The following MTMR3 variants were observed in gnomAD, a reference collection of about 807,000 sequenced individuals.
MTMR3 encodes the protein phosphatidylinositol-3,5-bisphosphate 3-phosphatase MTMR3.
A neutral mutation model predicts 132.4 loss-of-function variants in MTMR3; 32 were observed. The observed-to-expected ratio is 0.24, with a 90% CI of 0.18 to 0.32. MTMR3 has a LOEUF of 0.32. MTMR3 is among the 10% of genes least tolerant of loss of function. The pLI, the probability that MTMR3 is intolerant of heterozygous loss-of-function variation, is 1.00. For synonymous variants in MTMR3, 556 were observed against 550.3 expected (o/e 1.01, Z -0.14); for missense variants, 1,216 against 1,489.6 (o/e 0.82, Z 3.02).
chr22:29,883,898 G>A (rs1476352616), intron 1 of MTMR3, among the ~76,000 whole-genome samples: 8 of 152,326 alleles, frequency 5.3e-5, no homozygotes, highest in Middle Eastern at 6.8e-3. Flanking sequence ...TGACCTGGTA[G>A]TACTTAGGTG....
intron 1 of MTMR3, among the ~76,000 whole-genome samples, chr22:29,920,981 T>TTGG (rs554695706): frequency 1.2e-5 from 1 of 81,096 alleles, no homozygotes; most frequent in Non-Finnish European, 2.1e-5. Flanking sequence ...TAGGGGGTGG[T>TTGG]GGGGGTGGCG....
At chr22:30,002,673 C>CAACAA (rs553054269) in intron 8 of MTMR3, 51 of 490,474 alleles carry the variant, frequency 1.0e-4, no homozygotes, top group South Asian at 6.7e-4. Context: ...ACATTTAAGG[C>CAACAA]AACAAAACAA....
rs1251748452 is a variant in MTMR3 at position 29,930,094 on chromosome 22, G to A, written c.-137-26942G>A. ...TTTGATTTCCAGATAATTTTTTAAA[G>A]CCTTAGGAGTGTGTTTGTATAATAT... On this transcript the variant is annotated intron_variant, in intron 1 of 19. Transcript: ENST00000401950. Among the ~76,000 whole-genome samples the A allele has an allele frequency of 2.6e-5, 4 of 152,174 alleles. No homozygotes were observed. In the East Asian group the frequency reaches 7.7e-4, roughly 29 times the overall value.
At chr22:29,894,070 C>A (rs1178367938) in intron 1 of MTMR3, among the ~76,000 whole-genome samples, 1 of 152,116 alleles carries the variant, frequency 6.6e-6, no homozygotes, top group African/African-American at 2.4e-5. Flanking sequence ...GTCTTGAACT[C>A]CTGACCGCAG....
At chr22:30,020,928 G>T in intron 17 of MTMR3, 44 bp downstream of exon 17, 1 of 1,511,660 alleles carries the variant, frequency 6.6e-7, no homozygotes, top group Non-Finnish European at 8.9e-7. Context: ...CAAGGAGACG[G>T]CATGCTGAGG....
chr22:29,928,465 C>G (rs2065570683), intron 1 of MTMR3, among the ~76,000 whole-genome samples: 1 of 152,102 alleles, frequency 6.6e-6, no homozygotes. Flanking sequence ...AGCCACTGTG[C>G]CTGGCCACAT....
rs1378139559 is a variant in MTMR3, at chr22:30,007,315, G to T, written c.873G>T (p.Glu291Asp). Residue 291 changes from glutamate to aspartate, a missense_variant, in exon 10 of 20, where the codon GAG (glutamate) becomes GAT (aspartate). Glu to Asp is a conservative substitution (Grantham distance 45). Around this residue, in one of 7 missense-constraint regions of MTMR3, gnomAD observed 47 missense variants for 46.8 expected, o/e 1.00. Coordinates refer to ENST00000401950, the MANE Select transcript of MTMR3 (RefSeq NM_021090.4). ...FPNGGDLSDV[E>D]FDSSLSNASG... ...ATGGGGGAGACCTTTCTGACGTGGA[G>T]TTCGGTAAGGTGCTCCCTGGACCCA... 7 of 1,614,002 alleles carry T rather than the reference G, an allele frequency of 4.3e-6. No homozygotes were observed. Among genetic ancestry groups the T allele is most frequent in the South Asian group, 2.2e-5 (2 of 91,084 alleles).
chr22:29,955,635 A>T (rs575082364), intron 1 of MTMR3, among the ~76,000 whole-genome samples: 38 of 152,360 alleles, frequency 2.5e-4, no homozygotes, highest in Non-Finnish European at 4.0e-4. Flanking sequence ...TATAAAACAT[A>T]AAAGTTATTG....
At chr22:30,001,724 C>T (rs1464358098) in intron 8 of MTMR3, 1 of 152,152 alleles carries the variant, frequency 6.6e-6, no homozygotes, top group Non-Finnish European at 1.5e-5. Context: ...GAATGAGATT[C>T]ATGGTTAGAT....
intron 14 of MTMR3, 131 bp downstream of exon 14, chr22:30,013,672 C>A: frequency 8.0e-6 from 6 of 749,976 alleles, no homozygotes; most frequent in South Asian, 2.7e-5. Context: ...CCTGTTTCTG[C>A]TTTTTTTTTT....
chr22:29,946,097 AAGTGGC>A (rs2065949515), intron 1 of MTMR3, among the ~76,000 whole-genome samples: 1 of 152,018 alleles, frequency 6.6e-6, no homozygotes, highest in Non-Finnish European at 1.5e-5. Flanking sequence ...TTGATGGAAA[AAGTGGC>A]AGTGATACTG....
chr22:30,022,287 C>T (rs1482551365), intron 18 of MTMR3, 148 bp downstream of exon 18: 1 of 644,638 alleles, frequency 1.6e-6, no homozygotes, highest in Non-Finnish European at 2.7e-6. Flanking sequence ...TCCTGGGAAC[C>T]CACATGAAGC....
Position 30,007,290 on chromosome 22 carries a change from A to G in MTMR3, c.848A>G (p.Asn283Ser), listed in dbSNP as rs138787389. The change falls in exon 10 of 20, where the codon AAT becomes AGT. Residue 283 changes from asparagine (N) to serine (S), a missense_variant. Around this residue, in one of 7 missense-constraint regions of MTMR3, gnomAD observed 47 missense variants for 46.8 expected, o/e 1.00. Transcript: ENST00000401950. ...AGGAACACTTCTCGAGACTTTCCCA[A>G]TGGGGGAGACCTTTCTGACGTGGAG... The part of the protein sequence containing the change: ...STRNTSRDFP[N>S]GGDLSDVEFD... 6.2e-5 allele frequency: 100 copies of G among 1,614,146 alleles called. No individual in the cohort carries two copies. Among genetic ancestry groups the G allele is most frequent in the African/African-American group, 3.7e-4 (28 of 75,052 alleles).
intron 12 of MTMR3, chr22:30,010,350 GAT>G (rs2011727551): frequency 6.6e-6 from 1 of 152,198 alleles, no homozygotes; most frequent in Admixed American, 6.5e-5. Flanking sequence ...AGTCAAAAAA[GAT>G]AGAATTAGCC....
chr22:29,957,724 T>TA (rs763387430), intron 2 of MTMR3, among the ~76,000 whole-genome samples: 91 of 152,278 alleles, frequency 6.0e-4, no homozygotes, highest in Non-Finnish European at 1.1e-3. Flanking sequence ...TAAATTGGTA[T>TA]ATATCTATAT....
chr22:29,899,385 A>T (rs1342552129), intron 1 of MTMR3, among the ~76,000 whole-genome samples: 1 of 152,146 alleles, frequency 6.6e-6, no homozygotes, highest in African/African-American at 2.4e-5. Context: ...AGTATATAGT[A>T]TATGTTATTG....
At chr22:29,960,588 A>T (rs564041138) in intron 2 of MTMR3, among the ~76,000 whole-genome samples, 1 of 152,240 alleles carries the variant, frequency 6.6e-6, no homozygotes, top group Non-Finnish European at 1.5e-5. Context: ...ACATGTACAT[A>T]CTAATTTAAA....
chr22:29,917,999 A>G (rs2065340734), intron 1 of MTMR3, among the ~76,000 whole-genome samples: 1 of 152,256 alleles, frequency 6.6e-6, no homozygotes, highest in African/African-American at 2.4e-5. Context: ...TTGAAATTGT[A>G]AAATACATTT....
chr22:30,016,473 T>A, intron 14 of MTMR3, 55 bp from the exon 15 acceptor site: 1 of 1,580,942 alleles, frequency 6.3e-7, no homozygotes, highest in Non-Finnish European at 8.6e-7. Context: ...CTGAGCTGAC[T>A]TATCAGAGTG....
Sources: allele counts gnomAD v4.1 joint callset (sites outside exome capture counted in the v4.1 genomes callset), GRCh38; gene constraint gnomAD v4.1.1; regional missense constraint gnomAD v4.1.1; transcripts MANE v1.5; gene names NCBI Gene and HGNC (gene_info 2026-07-23, HGNC 2026-07-21).